Variants in NLGN1 observed in about 807,000 individuals in gnomAD.
NLGN1 encodes the protein neuroligin 1.
NLGN1 carries 12 observed loss-of-function variants against 65.5 expected under a neutral mutation model. The ratio of observed to expected loss-of-function variants is 0.18; its 90% confidence interval spans 0.12 to 0.30. The LOEUF (loss-of-function observed/expected upper bound fraction) is 0.30. Ranked by LOEUF, NLGN1 falls within the 10% of genes least tolerant of loss-of-function variation. The pLI is 1.00. For synonymous variants in NLGN1, 350 were observed against 359.5 expected, an observed-to-expected ratio of 0.97 and a Z score of 0.30; for missense variants, 750 against 1,007.1, an observed-to-expected ratio of 0.74 and a Z score of 3.46.
At chr3:174,014,630 C>CAGA in intron 4 of NLGN1, among the ~76,000 whole-genome samples, 1 of 152,088 alleles carries the variant, frequency 6.6e-6, no homozygotes, top group South Asian at 2.1e-4. Flanking sequence ...AGAGACATGC[C>CAGA]TCATCTCTTT....
chr3:173,602,241 GA>G (rs1330060231), intron 2 of NLGN1, among the ~76,000 whole-genome samples: 2 of 152,014 alleles, frequency 1.3e-5, no homozygotes, highest in African/African-American at 4.8e-5. Flanking sequence ...TAAATAGGGG[GA>G]AAATTGTCAA....
chr3:173,712,221 C>T (rs1431341427), intron 3 of NLGN1, among the ~76,000 whole-genome samples: 1 of 152,084 alleles, frequency 6.6e-6, no homozygotes, highest in Non-Finnish European at 1.5e-5. Flanking sequence ...AATTATTACA[C>T]TAACTCAGTG....
chr3:174,254,306 A>ATTTTTTTTTTTTTTTTTTT (rs371427726), intron 4 of NLGN1, among the ~76,000 whole-genome samples: 7 of 113,756 alleles, frequency 6.2e-5, no homozygotes, highest in African/African-American at 1.4e-4. Flanking sequence ...GTCCTTTTTA[A>ATTTTTTTTTTTTTTTTTTT]TTTTTTTTTT....
chr3:173,611,705 AC>A (rs1344135809), intron 3 of NLGN1, among the ~76,000 whole-genome samples: 1 of 152,088 alleles, frequency 6.6e-6, no homozygotes, highest in East Asian at 1.9e-4. Flanking sequence ...TAAAAGAACA[AC>A]ATCAGTTGTT....
At chr3:173,946,474 C>G (rs1747173110) in intron 4 of NLGN1, among the ~76,000 whole-genome samples, 1 of 152,168 alleles carries the variant, frequency 6.6e-6, no homozygotes, top group Non-Finnish European at 1.5e-5. Flanking sequence ...TAATATCACT[C>G]TAGCATGAGG....
chr3:173,830,008 G>GTGT (rs1722189601), intron 4 of NLGN1, among the ~76,000 whole-genome samples: 1 of 65,456 alleles, frequency 1.5e-5, no homozygotes, highest in Non-Finnish European at 3.4e-5. Context: ...TGGGTAGTGT[G>GTGT]GGGGGGGGAG....
At chr3:173,456,904 A>G (rs1577582637) in intron 2 of NLGN1, among the ~76,000 whole-genome samples, 1 of 152,126 alleles carries the variant, frequency 6.6e-6, no homozygotes, top group Admixed American at 6.6e-5. Context: ...CTGCTCTTGC[A>G]TATGGATCCC....
intron 4 of NLGN1, among the ~76,000 whole-genome samples, chr3:174,185,759 T>C (rs556040749): frequency 6.6e-6 from 1 of 151,818 alleles, no homozygotes; most frequent in South Asian, 2.1e-4. Flanking sequence ...GAATGTAGTC[T>C]GCTTTTTAAA....
intron 4 of NLGN1, among the ~76,000 whole-genome samples, chr3:174,084,749 A>G (rs74915878): frequency 0.018 from 2,765 of 152,114 alleles, 78 homozygotes; most frequent in African/African-American, 0.059. Flanking sequence ...CCACTTTTTG[A>G]TATGTCATAA....
intron 3 of NLGN1, among the ~76,000 whole-genome samples, chr3:173,746,434 C>T (rs1264835641): frequency 6.6e-6 from 1 of 152,056 alleles, no homozygotes; most frequent in African/African-American, 2.4e-5. Flanking sequence ...ACTCCTGACT[C>T]ATCTCCTAAT....
rs1169821645 is a variant in NLGN1, at chr3:174,280,965, T to C, written c.2134T>C (p.Cys712Arg). ...GAGGAGACATGATGTTCACAGGAGATGCAGCCCTCAGCGCACTACTACCAA... is the reference window on the plus strand; with the variant it reads ...GAGGAGACATGATGTTCACAGGAGACGCAGCCCTCAGCGCACTACTACCAA... Residue 712 changes from cysteine to arginine, a missense_variant, in exon 7 of 7, where the codon TGC (cysteine) becomes CGC (arginine). Physicochemically the swap from Cys to Arg is radical, Grantham distance 180. Coordinates refer to ENST00000457714, the Ensembl canonical transcript of NLGN1. This position sits in a 1 kb window ranked among gnomAD's most constrained non-coding sequence, Gnocchi z 4.9. 2 of 1,613,406 alleles carry C rather than the reference T, an allele frequency of 1.2e-6. No homozygotes were observed. Among genetic ancestry groups the C allele is most frequent in the African/African-American group, 1.3e-5 (1 of 74,960 alleles).
chr3:173,546,203 A>C (rs941065655), intron 2 of NLGN1, among the ~76,000 whole-genome samples: 1 of 152,222 alleles, frequency 6.6e-6, no homozygotes, highest in Non-Finnish European at 1.5e-5. Context: ...GGCTGGAGGT[A>C]TCATTATGGT....
intron 4 of NLGN1, among the ~76,000 whole-genome samples, chr3:173,951,506 A>T (rs532073301): frequency 1.4e-5 from 2 of 148,028 alleles, no homozygotes; most frequent in African/African-American, 5.0e-5. Context: ...TCTGTCGCCC[A>T]GGCTGGAGTG....
intron 4 of NLGN1, among the ~76,000 whole-genome samples, chr3:174,228,119 G>A (rs1262475569): frequency 5.3e-5 from 8 of 151,776 alleles, no homozygotes; most frequent in African/African-American, 1.9e-4. Flanking sequence ...TTCTTCCAAA[G>A]AGAATTCTTC....
At chr3:173,866,945 G>A (rs1478355790) in intron 4 of NLGN1, among the ~76,000 whole-genome samples, 1 of 152,118 alleles carries the variant, frequency 6.6e-6, no homozygotes, top group Non-Finnish European at 1.5e-5. Flanking sequence ...AGTTACAAAT[G>A]TAAGAATTAT....
At chr3:173,477,781 G>C (rs1726500941) in intron 2 of NLGN1, among the ~76,000 whole-genome samples, 1 of 152,156 alleles carries the variant, frequency 6.6e-6, no homozygotes, top group Admixed American at 6.5e-5. Flanking sequence ...CTTCTTTTGA[G>C]AAGTGTCTGT....
At chr3:173,521,492 G>C (rs1016246745) in intron 2 of NLGN1, among the ~76,000 whole-genome samples, 1 of 152,218 alleles carries the variant, frequency 6.6e-6, no homozygotes, top group Admixed American at 6.5e-5. Flanking sequence ...TTCAAAAAGA[G>C]AGTAGTAAAG....
At chr3:173,961,438 G>A (rs867277898) in intron 4 of NLGN1, among the ~76,000 whole-genome samples, 50 of 152,144 alleles carry the variant, frequency 3.3e-4, no homozygotes, top group African/African-American at 1.1e-3. Context: ...TCATCCCAGG[G>A]ATGATTTAAG....
At chr3:173,887,613 T>C (rs1408256422) in intron 4 of NLGN1, among the ~76,000 whole-genome samples, 5 of 152,024 alleles carry the variant, frequency 3.3e-5, no homozygotes, top group Non-Finnish European at 7.4e-5. Flanking sequence ...CCCAAGTCTC[T>C]TGATTCATTT....
Sources: allele counts gnomAD v4.1 joint callset (sites outside exome capture counted in the v4.1 genomes callset), GRCh38; gene constraint gnomAD v4.1.1; non-coding constraint Gnocchi (gnomAD v3.1); transcripts MANE v1.5; gene names NCBI Gene and HGNC (gene_info 2026-07-23, HGNC 2026-07-21).